ZC3H6: variants seen among roughly 807,000 people sequenced by gnomAD.
ZC3H6 encodes zinc finger CCCH-type containing 6.
A neutral mutation model predicts 107.7 loss-of-function variants in ZC3H6; 40 were observed. That is an observed-to-expected ratio of 0.37 (90% confidence interval 0.29 to 0.48). ZC3H6 has a LOEUF of 0.48. ZC3H6 is among the 20% of genes least tolerant of loss of function. The probability of loss-of-function intolerance (pLI) is 0.98; values close to 1 mark genes in which losing one functional copy is unlikely to be tolerated. For missense variants in ZC3H6, 1,267 were observed against 1,410.4 expected, an observed-to-expected ratio of 0.90 and a Z score of 1.63; for synonymous variants, 493 against 487.9, an observed-to-expected ratio of 1.01 and a Z score of -0.14.
In ZC3H6 at chr2:112,331,255, T is replaced by C; in HGVS notation, c.2337T>C (p.Leu779=). ...CTTCTGAGTCTGCCCCACTGGATCT[T>C]AGACTTGCGTGGGATCCCAGGAAAT... ...RKPSESAPLD[L]RLAWDPRKLR... is the part of the protein sequence containing the mutation. The change falls in exon 12 of 12, where the codon CTT becomes CTC. Residue 779 remains leucine (L), a synonymous_variant. Coordinates refer to ENST00000409871, the MANE Select transcript of ZC3H6 (RefSeq NM_198581.3). The C allele has an allele frequency of 6.2e-7, 1 of 1,613,828 alleles. No homozygotes were observed. Among genetic ancestry groups the C allele is most frequent in the Non-Finnish European group, 8.5e-7 (1 of 1,179,876 alleles).
At chr2:112,279,091 A>G (rs1435908992) in intron 1 of ZC3H6, among the ~76,000 whole-genome samples, 3 of 152,224 alleles carry the variant, frequency 2.0e-5, no homozygotes, top group Admixed American at 1.3e-4. Context: ...ACTTGTGGCT[A>G]TGTAGAATGT....
intron 1 of ZC3H6, among the ~76,000 whole-genome samples, chr2:112,278,061 C>G (rs1686459151): frequency 6.6e-6 from 1 of 152,160 alleles, no homozygotes; most frequent in Non-Finnish European, 1.5e-5. Context: ...AGTTAATCAT[C>G]AGAATCACTT....
chr2:112,289,093 G>T (rs1235481351), intron 1 of ZC3H6, among the ~76,000 whole-genome samples: 111 of 141,380 alleles, frequency 7.9e-4, no homozygotes, highest in African/African-American at 2.9e-3. Flanking sequence ...ATCCCGCCCT[G>T]TTGCCCAGGC....
intron 7 of ZC3H6, among the ~76,000 whole-genome samples, chr2:112,318,198 C>CA (rs1399833218): frequency 2.0e-5 from 3 of 151,820 alleles, no homozygotes; most frequent in African/African-American, 7.3e-5. Flanking sequence ...ATCAAAATGT[C>CA]AAAAAATGGA....
Position 112,275,779 on chromosome 2 carries a change from T to TAGA in ZC3H6, c.-216_-215insAGA. 1 of 460,298 alleles carries TAGA rather than the reference T, an allele frequency of 2.2e-6. No individual in the cohort carries two copies. The allele number at this position is 460,298 out of a possible 1,614,324, so 28.5% of individuals were successfully genotyped here. ...CAGCGCGGGGCCGTTGCCCAGTGTT[T>TAGA]GCAGTTAGAGCCCCATCTCTCTGGC... On this transcript the variant is annotated 5_prime_UTR_variant, in exon 1 of 12. Transcript: ENST00000409871.
At position 112,333,863 on chromosome 2, in the gene ZC3H6, T is replaced by C. The variant is rs916932728; in HGVS notation, c.*1375T>C. On this transcript the variant is annotated 3_prime_UTR_variant, in exon 12 of 12. Coordinates refer to ENST00000409871, the MANE Select transcript of ZC3H6 (RefSeq NM_198581.3). ...TGAAAGCAGTGCCCTTGAGAAGGGA[T>C]TTTTTTTTAAATATACAGTAAAATA... is the stretch of plus-strand genomic sequence containing the variant. The C allele has an allele frequency of 1.4e-5, 2 of 141,414 alleles. No homozygotes were observed. The highest frequency in any genetic ancestry group is 2.5e-5 in the African/African-American group (1 of 40,644). The allele number at this position is 141,414 out of a possible 1,614,324, so 8.8% of individuals were successfully genotyped here.
chr2:112,280,784 G>C (rs1023522180), intron 1 of ZC3H6, among the ~76,000 whole-genome samples: 1 of 152,182 alleles, frequency 6.6e-6, no homozygotes, highest in African/African-American at 2.4e-5. Context: ...TGATAAAAGT[G>C]TTAGTATGTG....
intron 1 of ZC3H6, among the ~76,000 whole-genome samples, chr2:112,285,050 T>G (rs1335495473): frequency 2.0e-5 from 3 of 152,196 alleles, no homozygotes; most frequent in Non-Finnish European, 4.4e-5. Flanking sequence ...AAATTTCTAT[T>G]CTGCTTTGTA....
At chr2:112,314,921 G>C (rs1482242045) in intron 5 of ZC3H6, among the ~76,000 whole-genome samples, 1 of 152,082 alleles carries the variant, frequency 6.6e-6, no homozygotes, top group Non-Finnish European at 1.5e-5. Context: ...TTGTATTCTT[G>C]TACCTTTTTT....
intron 7 of ZC3H6, among the ~76,000 whole-genome samples, chr2:112,319,306 C>G (rs1676758490): frequency 6.6e-6 from 1 of 151,838 alleles, no homozygotes; most frequent in Non-Finnish European, 1.5e-5. Flanking sequence ...TGGAGACCAG[C>G]CTGGGTAACA....
At chr2:112,313,217 C>T (rs1437303655) in intron 5 of ZC3H6, among the ~76,000 whole-genome samples, 2 of 152,174 alleles carry the variant, frequency 1.3e-5, no homozygotes, top group Admixed American at 6.5e-5. Context: ...CACCTACTAA[C>T]ATTCACTGAG....
intron 11 of ZC3H6, among the ~76,000 whole-genome samples, chr2:112,328,115 T>C (rs1322698633): frequency 6.6e-6 from 1 of 152,070 alleles, no homozygotes; most frequent in Non-Finnish European, 1.5e-5. Flanking sequence ...TGGTCTCAAA[T>C]GCCTGGCCTC....
At chr2:112,330,983 A>G (rs1677017058) in intron 11 of ZC3H6, 22 bp from the exon 12 acceptor site, 2 of 1,297,538 alleles carry the variant, frequency 1.5e-6, no homozygotes, top group Non-Finnish European at 2.0e-6. Context: ...AAAGTTTATA[A>G]TAAGTTTTTG....
chr2:112,294,718 G>C (rs1308253088), intron 1 of ZC3H6, among the ~76,000 whole-genome samples: 1 of 152,088 alleles, frequency 6.6e-6, no homozygotes, highest in East Asian at 1.9e-4. Context: ...ATCAATATCA[G>C]AGTGGAAAAA....
chr2:112,293,415 A>C (rs1457201419), intron 1 of ZC3H6, among the ~76,000 whole-genome samples: 1 of 152,222 alleles, frequency 6.6e-6, no homozygotes, highest in South Asian at 2.1e-4. Flanking sequence ...TATTGGATAA[A>C]GGATGAAGAT....
chr2:112,331,956 C>G lies in ZC3H6; in HGVS notation c.3038C>G (p.Thr1013Ser). ...TCATCACAGCCCTCAGGGGCAGGAA[C>G]TAGCAATTCTGGTTCCGGGGCTCTG... is the stretch of plus-strand genomic sequence containing the variant. The part of the protein sequence containing the change: ...PGSSQPSGAG[T>S]SNSGSGALPP... The change falls in exon 12 of 12, where the codon ACT becomes AGT. Residue 1013 changes from threonine (T) to serine (S), a missense_variant. This residue lies in a region of ZC3H6 where 925 missense variants were observed against 1,025.7 expected (regional missense o/e 0.90). Transcript: ENST00000409871. The G allele has an allele frequency of 6.2e-7, 1 of 1,614,020 alleles. No individual in the cohort carries two copies. The highest frequency in any genetic ancestry group is 1.3e-5 in the African/African-American group (1 of 75,060).
At chr2:112,297,668 G>C (rs1368900771) in intron 1 of ZC3H6, among the ~76,000 whole-genome samples, 1 of 152,162 alleles carries the variant, frequency 6.6e-6, no homozygotes, top group African/African-American at 2.4e-5. Flanking sequence ...AAAGATACTA[G>C]TATTTGGAAA....
chr2:112,306,656 AT>A (rs1410697628), intron 3 of ZC3H6, among the ~76,000 whole-genome samples: 1 of 152,072 alleles, frequency 6.6e-6, no homozygotes, highest in African/African-American at 2.4e-5. Flanking sequence ...CTTCTGCCAG[AT>A]TTCTGGTGAC....
At position 112,280,227 on chromosome 2, in the gene ZC3H6, G is replaced by A. The variant is rs1193165872; in HGVS notation, c.32+4201G>A. ...TCTGGTTTGTAAATTAGTATGTTCC[G>A]TGGAGTAAATAACTTTCCTGACTAG... On this transcript the variant is annotated intron_variant, in intron 1 of 11. Transcript: ENST00000409871. Among the ~76,000 whole-genome samples the A allele has an allele frequency of 5.3e-5, 8 of 152,080 alleles. 1 individual carries two copies. The highest frequency in any genetic ancestry group is 5.2e-4 in the Admixed American group (8 of 15,258).
Sources: allele counts gnomAD v4.1 joint callset (sites outside exome capture counted in the v4.1 genomes callset), GRCh38; gene constraint gnomAD v4.1.1; regional missense constraint gnomAD v4.1.1; transcripts MANE v1.5; gene names NCBI Gene and HGNC (gene_info 2026-07-23, HGNC 2026-07-21).